The following KCNH7 variants were observed in gnomAD, a reference collection of about 807,000 sequenced individuals.
The protein encoded by KCNH7 is potassium voltage-gated channel subfamily H member 7.
A neutral mutation model predicts 120.8 loss-of-function variants in KCNH7; 49 were observed. The observed-to-expected ratio is 0.41, with a 90% CI of 0.32 to 0.51. KCNH7 has a LOEUF of 0.51. Among genes scored for constraint, KCNH7 ranks in the 20% least tolerant of loss-of-function variants. KCNH7 has a pLI of 0.38. For missense variants in KCNH7, 1,097 were observed against 1,446.6 expected, an observed-to-expected ratio of 0.76 and a Z score of 3.92; for synonymous variants, 547 against 516.1, an observed-to-expected ratio of 1.06 and a Z score of -0.81.
At chr2:162,570,819 G>A (rs1693444992) in intron 2 of KCNH7, among the ~76,000 whole-genome samples, 1 of 152,082 alleles carries the variant, frequency 6.6e-6, no homozygotes, top group African/African-American at 2.4e-5. Context: ...AATAGATGCA[G>A]AAAAGGCCTT....
intron 2 of KCNH7, among the ~76,000 whole-genome samples, chr2:162,742,792 C>T (rs1688183124): frequency 6.6e-6 from 1 of 152,186 alleles, no homozygotes; most frequent in Admixed American, 6.5e-5. Flanking sequence ...ACATATCTTG[C>T]TTGTGACATA....
intron 2 of KCNH7, among the ~76,000 whole-genome samples, chr2:162,652,089 GTT>G (rs1684585603): frequency 6.6e-6 from 1 of 152,034 alleles, no homozygotes; most frequent in Non-Finnish European, 1.5e-5. Flanking sequence ...AAAGAAAAAT[GTT>G]TTGTTTCCCA....
rs143201244 is a variant in KCNH7, at chr2:162,655,768, G to A, written c.308-118688C>T. 6.7e-3 allele frequency among the ~76,000 whole-genome samples: 1,020 copies of A among 152,212 alleles called. 16 individuals carry two copies. The highest frequency in any genetic ancestry group is 0.023 in the African/African-American group (964 of 41,554). ...AGATGGTGCCACTGCACTCCAGCCT[G>A]GTGATAGAGCAAGACTCCGTCTCAA... On this transcript the variant is annotated intron_variant, in intron 2 of 15. Coordinates refer to ENST00000332142, the MANE Select transcript of KCNH7 (RefSeq NM_033272.4).
chr2:162,637,631 C>T (rs1684007169), intron 2 of KCNH7, among the ~76,000 whole-genome samples: 1 of 151,948 alleles, frequency 6.6e-6, no homozygotes, highest in Admixed American at 6.6e-5. Flanking sequence ...TGAGGTAACA[C>T]TTTTGATAAT....
chr2:162,757,328 C>A (rs533485512), intron 2 of KCNH7, among the ~76,000 whole-genome samples: 4 of 152,248 alleles, frequency 2.6e-5, no homozygotes, highest in African/African-American at 9.6e-5. Context: ...AATCTCCCAA[C>A]ATGTATTGAA....
intron 2 of KCNH7, among the ~76,000 whole-genome samples, chr2:162,727,316 A>G (rs1687567327): frequency 6.6e-6 from 1 of 152,174 alleles, no homozygotes; most frequent in African/African-American, 2.4e-5. Context: ...CATAATAGAG[A>G]TGTATAACAA....
At chr2:162,609,388 T>TG (rs1682886025) in intron 2 of KCNH7, among the ~76,000 whole-genome samples, 1 of 152,158 alleles carries the variant, frequency 6.6e-6, no homozygotes, top group Non-Finnish European at 1.5e-5. Context: ...TTTCTTTTTT[T>TG]GGAGCCTGTC....
chr2:162,393,164 A>G (rs1469696794), intron 12 of KCNH7, among the ~76,000 whole-genome samples: 3 of 151,994 alleles, frequency 2.0e-5, no homozygotes, highest in African/African-American at 4.8e-5. Context: ...TCTGGCTTGT[A>G]CAATTGATGA....
At chr2:162,499,553 C>T (rs1010251538) in intron 6 of KCNH7, among the ~76,000 whole-genome samples, 2 of 152,192 alleles carry the variant, frequency 1.3e-5, no homozygotes, top group Middle Eastern at 3.4e-3. Flanking sequence ...TGAAATATGA[C>T]ATGATGCATT....
intron 2 of KCNH7, among the ~76,000 whole-genome samples, chr2:162,679,732 G>C (rs2105310286): frequency 6.6e-6 from 1 of 151,404 alleles, no homozygotes; most frequent in Non-Finnish European, 1.5e-5. Context: ...TATCTTTCAG[G>C]GTGAAAAACA....
At chr2:162,836,878 A>G in intron 1 of KCNH7, 111 bp from the exon 2 acceptor site, 1 of 685,348 alleles carries the variant, frequency 1.5e-6, no homozygotes. Context: ...TGCCTCCCCA[A>G]ATTACTAATC....
At chr2:162,622,901 G>T (rs996479283) in intron 2 of KCNH7, among the ~76,000 whole-genome samples, 4 of 151,960 alleles carry the variant, frequency 2.6e-5, no homozygotes, top group African/African-American at 9.7e-5. Context: ...TTTTGTGGTT[G>T]TTTTTCTACA....
intron 2 of KCNH7, among the ~76,000 whole-genome samples, chr2:162,749,491 A>T (rs1688467651): frequency 6.6e-6 from 1 of 152,212 alleles, no homozygotes. Flanking sequence ...AATAAAAATA[A>T]TACATAAGTA....
At chr2:162,443,757 T>G (rs1688496623) in intron 7 of KCNH7, among the ~76,000 whole-genome samples, 1 of 152,220 alleles carries the variant, frequency 6.6e-6, no homozygotes, top group African/African-American at 2.4e-5. Flanking sequence ...GTATCATTCC[T>G]GTTCCAAAGA....
At chr2:162,399,873 T>A (rs754112421) in intron 10 of KCNH7, among the ~76,000 whole-genome samples, 1 of 151,942 alleles carries the variant, frequency 6.6e-6, no homozygotes, top group Non-Finnish European at 1.5e-5. Flanking sequence ...AGCATGAAGC[T>A]AAGATCTTCT....
At chr2:162,457,563 T>C (rs1215390514) in intron 6 of KCNH7, among the ~76,000 whole-genome samples, 1 of 152,192 alleles carries the variant, frequency 6.6e-6, no homozygotes, top group Admixed American at 6.6e-5. Context: ...ATTTATTCAA[T>C]GAAGATCTAC....
At chr2:162,538,363 A>G (rs1045532626) in intron 2 of KCNH7, among the ~76,000 whole-genome samples, 4 of 152,032 alleles carry the variant, frequency 2.6e-5, no homozygotes, top group African/African-American at 4.8e-5. Flanking sequence ...GTCCATTTCG[A>G]CTGCTTTTTT....
chr2:162,460,423 A>C (rs1019558879), intron 6 of KCNH7, among the ~76,000 whole-genome samples: 1 of 152,206 alleles, frequency 6.6e-6, no homozygotes, highest in African/African-American at 2.4e-5. Flanking sequence ...GCTTTAAAAA[A>C]ATAAGAAGGA....
intron 2 of KCNH7, among the ~76,000 whole-genome samples, chr2:162,741,497 A>G (rs1688136446): frequency 6.6e-6 from 1 of 151,972 alleles, no homozygotes; most frequent in Non-Finnish European, 1.5e-5. Context: ...TTGATGTTAC[A>G]TGCTATGTGC....
Sources: gnomAD v4.1 joint callset for allele counts (sites outside exome capture counted in the v4.1 genomes callset) on GRCh38, gnomAD v4.1.1 for gene constraint, MANE v1.5 for transcripts, NCBI Gene and HGNC (gene_info 2026-07-23, HGNC 2026-07-21) for gene names.